The following MLLT10 variants were observed in gnomAD, a reference collection of about 807,000 sequenced individuals.
MLLT10 encodes MLLT10 histone lysine methyltransferase DOT1L cofactor.
In MLLT10, 30 loss-of-function variants were observed where a neutral mutation model predicts 129.1. The ratio of observed to expected loss-of-function variants is 0.23; its 90% confidence interval spans 0.17 to 0.32. The LOEUF is 0.32. Among genes scored for constraint, MLLT10 ranks in the 10% least tolerant of loss-of-function variants. MLLT10 has a pLI of 1.00. For synonymous variants in MLLT10, 490 were observed against 446.4 expected (o/e 1.10, Z -1.23); for missense variants, 1,119 against 1,268.3 (o/e 0.88, Z 1.79).
At chr10:21,644,726 C>T (rs2048325057) in intron 8 of MLLT10, among the ~76,000 whole-genome samples, 2 of 152,108 alleles carry the variant, frequency 1.3e-5, no homozygotes, top group Non-Finnish European at 2.9e-5. Context: ...ACTGCAGCCT[C>T]CACCTCTTGG....
chr10:21,625,656 C>G (rs890222898), intron 8 of MLLT10: 1 of 762,218 alleles, frequency 1.3e-6, no homozygotes, highest in Non-Finnish European at 2.5e-6. Flanking sequence ...CTGAATTCTT[C>G]CAGAGTGTTT....
Position 21,734,688 on chromosome 10 carries a change from C to G in MLLT10, c.2859-451C>G, listed in dbSNP as rs188943113. Among the ~76,000 whole-genome samples, 31 of 152,254 alleles carry G rather than the reference C, an allele frequency of 2.0e-4. 1 individual carries two copies. Among genetic ancestry groups the G allele is most frequent in the East Asian group, 1.5e-3 (8 of 5,186 alleles). On this transcript the variant is annotated intron_variant, in intron 20 of 22. Transcript: ENST00000307729. The stretch of plus-strand genomic sequence containing the variant: ...TGGATTTGCAGTGGGTACTAGAAAG[C>G]TATTTCCTGTAGCTCTCTTCCTTGG...
At chr10:21,699,032 G>A (rs1397642034) in intron 13 of MLLT10, among the ~76,000 whole-genome samples, 5 of 152,082 alleles carry the variant, frequency 3.3e-5, no homozygotes, top group Non-Finnish European at 7.4e-5. Flanking sequence ...GTGCCATCAT[G>A]CCCAGCTAAT....
intron 13 of MLLT10, among the ~76,000 whole-genome samples, chr10:21,683,601 T>G (rs866641133): frequency 6.6e-6 from 1 of 152,196 alleles, no homozygotes; most frequent in Non-Finnish European, 1.5e-5. Flanking sequence ...AAGTGTAAGA[T>G]TGACACCTAG....
chr10:21,612,861 C>A (rs1006602571), intron 6 of MLLT10, among the ~76,000 whole-genome samples: 1 of 152,108 alleles, frequency 6.6e-6, no homozygotes, highest in Non-Finnish European at 1.5e-5. Flanking sequence ...CACTGTCATT[C>A]TCAATATTAC....
At chr10:21,630,303 A>G (rs1241877534) in intron 8 of MLLT10, among the ~76,000 whole-genome samples, 1 of 152,234 alleles carries the variant, frequency 6.6e-6, no homozygotes, top group African/African-American at 2.4e-5. Flanking sequence ...GCATGGGCCT[A>G]GAGGGCTCAG....
chr10:21,583,707 A>G lies in MLLT10; in HGVS notation c.241-2587A>G, dbSNP rs557585392. ...CAATCAGATCTCACATGAGCTAACA[A>G]CAGCAAGAAACTCACTCATTACCAC... On this transcript the variant is annotated intron_variant, in intron 3 of 22. Transcript: ENST00000307729. 3.3e-5 allele frequency among the ~76,000 whole-genome samples: 5 copies of G among 152,234 alleles called. No individual in the cohort carries two copies. The South Asian group carries it at 1.0e-3, about 32-fold the overall frequency.
intron 15 of MLLT10, among the ~76,000 whole-genome samples, chr10:21,727,125 G>A (rs1401637814): frequency 6.6e-6 from 1 of 152,092 alleles, no homozygotes; most frequent in Non-Finnish European, 1.5e-5. Flanking sequence ...TGTCTTTACC[G>A]TTTAAGGGTC....
At chr10:21,663,125 G>A (rs1490846972) in intron 9 of MLLT10, among the ~76,000 whole-genome samples, 1 of 152,094 alleles carries the variant, frequency 6.6e-6, no homozygotes, top group Non-Finnish European at 1.5e-5. Context: ...GATCTCTGGG[G>A]GACTCTGTCT....
chr10:21,718,069 T>C (rs949132501), intron 14 of MLLT10, among the ~76,000 whole-genome samples: 1 of 152,158 alleles, frequency 6.6e-6, no homozygotes, highest in African/African-American at 2.4e-5. Context: ...GGTCTCGAAC[T>C]CCAGACTTCA....
intron 8 of MLLT10, among the ~76,000 whole-genome samples, chr10:21,635,837 C>T (rs114964905): frequency 0.028 from 4,174 of 151,542 alleles, 190 homozygotes; most frequent in African/African-American, 0.095. Context: ...AGAGATTCAC[C>T]AGCCTCAGCC....
At chr10:21,558,032 C>T (rs1250815461) in intron 3 of MLLT10, among the ~76,000 whole-genome samples, 1 of 149,522 alleles carries the variant, frequency 6.7e-6, no homozygotes, top group Non-Finnish European at 1.5e-5. Flanking sequence ...TCACTGCAAC[C>T]CCTGCCTCCC....
At chr10:21,735,325 T>C (rs1309917628) in intron 21 of MLLT10, 90 bp downstream of exon 21, 27 of 1,142,564 alleles carry the variant, frequency 2.4e-5, no homozygotes, top group Non-Finnish European at 3.4e-5. Context: ...CTTTGTGAAA[T>C]AACATTATTG....
chr10:21,609,897 G>A (rs1196298370), intron 5 of MLLT10, among the ~76,000 whole-genome samples: 2 of 151,694 alleles, frequency 1.3e-5, no homozygotes, highest in African/African-American at 4.8e-5. Flanking sequence ...ACACACACAC[G>A]CACATACACA....
intron 9 of MLLT10, among the ~76,000 whole-genome samples, chr10:21,654,413 G>T (rs2049350396): frequency 6.6e-6 from 1 of 152,188 alleles, no homozygotes; most frequent in Non-Finnish European, 1.5e-5. Flanking sequence ...TATGAGAAGG[G>T]ATGGGATTTT....
At chr10:21,663,261 C>T (rs1337194981) in intron 9 of MLLT10, among the ~76,000 whole-genome samples, 2 of 152,176 alleles carry the variant, frequency 1.3e-5, no homozygotes, top group African/African-American at 4.8e-5. Context: ...GTGCCTCCAG[C>T]AGTATCAACT....
At chr10:21,592,720 T>G (rs1303065773) in intron 4 of MLLT10, among the ~76,000 whole-genome samples, 1 of 152,118 alleles carries the variant, frequency 6.6e-6, no homozygotes, top group African/African-American at 2.4e-5. Flanking sequence ...CGCCTTGGCC[T>G]TCCAAAGTGC....
intron 3 of MLLT10, among the ~76,000 whole-genome samples, chr10:21,549,924 C>T (rs529238159): frequency 1.3e-5 from 2 of 152,264 alleles, no homozygotes; most frequent in East Asian, 3.9e-4. Context: ...CAGGCGTGAG[C>T]CATCGCGCCT....
rs201973898 is a variant in MLLT10 at position 21,730,720 on chromosome 10, GA to G, written c.2064-179del. Among the ~76,000 whole-genome samples the G allele has an allele frequency of 1.2e-3, 183 of 152,244 alleles. 1 individual carries two copies. The East Asian group carries it at 0.034, about 28-fold the overall frequency. ...ATTCTATAATATTGGGAGGAAGAAT[GA>G]TAATTACTCAATTTTAGGGTAGATT... On this transcript the variant is annotated intron_variant, in intron 16 of 22. Coordinates refer to ENST00000307729, the MANE Select transcript of MLLT10 (RefSeq NM_001195626.3).
Sources: gnomAD v4.1 joint callset for allele counts (sites outside exome capture counted in the v4.1 genomes callset) on GRCh38, gnomAD v4.1.1 for gene constraint, MANE v1.5 for transcripts, NCBI Gene and HGNC (gene_info 2026-07-23, HGNC 2026-07-21) for gene names.